TYW3: variants seen among roughly 807,000 people sequenced by gnomAD.
TYW3 encodes the protein tRNA wybutosine-synthesizing protein 3 homolog.
Under a neutral mutation model 23.1 loss-of-function variants are expected in TYW3, and 26 were observed. The observed-to-expected ratio is 1.13, with a 90% CI of 0.83 to 1.56. TYW3 has a LOEUF of 1.56. Among genes scored for constraint, TYW3 ranks in the 40% most tolerant of loss-of-function variants. The pLI is 0.00. For synonymous variants in TYW3, 102 were observed against 105.7 expected, an observed-to-expected ratio of 0.97 and a Z score of 0.21; for missense variants, 316 against 311.9, an observed-to-expected ratio of 1.01 and a Z score of -0.10.
intron 5 of TYW3, among the ~76,000 whole-genome samples, chr1:74,753,538 G>T (rs1027848287): frequency 1.1e-4 from 16 of 152,122 alleles, no homozygotes; most frequent in African/African-American, 3.6e-4. Flanking sequence ...TTCAAATCGT[G>T]GTTCTGAGTT....
chr1:74,751,203 T>C (rs1399614261), intron 4 of TYW3: 1 of 152,180 alleles, frequency 6.6e-6, no homozygotes, highest in Non-Finnish European at 1.5e-5. Context: ...GTTCTTAGAC[T>C]CAGTTGCTTC....
At chr1:74,747,528 T>G (rs1293242583) in intron 3 of TYW3, among the ~76,000 whole-genome samples, 1 of 149,162 alleles carries the variant, frequency 6.7e-6, no homozygotes, top group Non-Finnish European at 1.5e-5. Context: ...TCCCAGCTAC[T>G]TGGGAGGCTG....
chr1:74,746,769 A>G (rs1460530652), intron 3 of TYW3, among the ~76,000 whole-genome samples: 2 of 152,202 alleles, frequency 1.3e-5, no homozygotes, highest in African/African-American at 4.8e-5. Flanking sequence ...GAAGGCCTTT[A>G]TTCGAAGGTT....
intron 5 of TYW3, among the ~76,000 whole-genome samples, chr1:74,760,519 C>A (rs1649105988): frequency 6.6e-6 from 1 of 152,218 alleles, no homozygotes; most frequent in Non-Finnish European, 1.5e-5. Context: ...CCTTGCAGTT[C>A]AGCCCAGGCA....
At position 74,738,348 on chromosome 1, in the gene TYW3, A is replaced by AAAT. The variant is rs572634805; in HGVS notation, c.256-342_256-341insAAT. On this transcript the variant is annotated intron_variant, in intron 2 of 5. Coordinates refer to ENST00000370867, the MANE Select transcript of TYW3 (RefSeq NM_138467.3). ...TTACATTTGTCTCTATCTCAATCTA[A>AAAT]CAAAAAATTTAAACAATCCTAATAC... is the stretch of plus-strand genomic sequence containing the variant. Among the ~76,000 whole-genome samples the AAAT allele has an allele frequency of 2.8e-4, 43 of 152,278 alleles. No homozygotes were observed. The East Asian group carries it at 8.1e-3, about 29-fold the overall frequency.
At chr1:74,747,777 A>G (rs939718217) in intron 3 of TYW3, among the ~76,000 whole-genome samples, 16 of 142,642 alleles carry the variant, frequency 1.1e-4, no homozygotes, top group Admixed American at 1.0e-3. Context: ...ATATGTGTGT[A>G]TATGTATACA....
At chr1:74,743,790 A>C (rs1006871807) in intron 3 of TYW3, among the ~76,000 whole-genome samples, 2 of 152,118 alleles carry the variant, frequency 1.3e-5, no homozygotes, top group East Asian at 1.9e-4. Flanking sequence ...GGTATCTCCA[A>C]ACTCTCGGGC....
At chr1:74,751,621 G>A (rs963155716) in intron 4 of TYW3, among the ~76,000 whole-genome samples, 5 of 151,542 alleles carry the variant, frequency 3.3e-5, no homozygotes, top group African/African-American at 7.3e-5. Context: ...TGTGAGCCGA[G>A]ATTGCACCAT....
intron 3 of TYW3, among the ~76,000 whole-genome samples, chr1:74,742,958 G>A (rs1648415374): frequency 6.6e-6 from 1 of 152,156 alleles, no homozygotes. Flanking sequence ...TCAATTTCCT[G>A]GCCCTCAATG....
chr1:74,760,171 T>G (rs1183890041), intron 5 of TYW3, among the ~76,000 whole-genome samples: 1 of 152,156 alleles, frequency 6.6e-6, no homozygotes, highest in Non-Finnish European at 1.5e-5. Flanking sequence ...CACAAAAGCC[T>G]TTGTCTTCAT....
intron 5 of TYW3, among the ~76,000 whole-genome samples, chr1:74,755,174 T>C (rs1048101517): frequency 6.6e-6 from 1 of 152,242 alleles, no homozygotes; most frequent in African/African-American, 2.4e-5. Context: ...AATAGTTTTT[T>C]TTTTAACTCT....
At position 74,766,198 on chromosome 1, in the gene TYW3, TGA is replaced by T. The variant is rs967302250; in HGVS notation, c.*2086_*2087del. The T allele has an allele frequency of 2.6e-5, 4 of 152,116 alleles. No individual in the cohort carries two copies. Among genetic ancestry groups the T allele is most frequent in the African/African-American group, 9.7e-5 (4 of 41,428 alleles). 9.4% of individuals were successfully genotyped at this position (152,116 alleles called of 1,614,324 possible). A position where few individuals can be genotyped will look rare whatever the true frequency, so the allele number is the denominator to read the frequency against. On this transcript the variant is annotated 3_prime_UTR_variant, in exon 6 of 6. Coordinates refer to ENST00000370867, the MANE Select transcript of TYW3 (RefSeq NM_138467.3). Reference sequence around the variant, plus strand: ...TTATGTACAGTGCATACATAATACTTGATAATATGTTACTGGTTTGTGTCTTT... The same window carrying T: ...TTATGTACAGTGCATACATAATACTTTAATATGTTACTGGTTTGTGTCTTT...
At chr1:74,748,210 C>A (rs1280800740) in intron 3 of TYW3, among the ~76,000 whole-genome samples, 1 of 152,146 alleles carries the variant, frequency 6.6e-6, no homozygotes, top group African/African-American at 2.4e-5. Context: ...TGCTTAAGAA[C>A]TACTGAGCTG....
In TYW3 at chr1:74,766,603, A is replaced by G. The variant is rs1246170376; in HGVS notation, c.*2490A>G. ...CCAAAGAGTCAAAAAGTTTTAAGAA[A>G]TTAAAGTTTATAAACCAAATGTTCA... On this transcript the variant is annotated 3_prime_UTR_variant, in exon 6 of 6. Transcript: ENST00000370867. The G allele has an allele frequency of 6.6e-6, 1 of 152,242 alleles. No homozygotes were observed. Among genetic ancestry groups the G allele is most frequent in the Non-Finnish European group, 1.5e-5 (1 of 68,032 alleles). 9.4% of individuals were successfully genotyped at this position (152,242 alleles called of 1,614,324 possible).
Position 74,738,802 on chromosome 1 carries a change from G to T in TYW3, c.354+14G>T. On this transcript the variant is annotated intron_variant, in intron 3 of 5. Coordinates refer to ENST00000370867, the MANE Select transcript of TYW3 (RefSeq NM_138467.3). Reference sequence around the variant, plus strand: ...GCACAGATTCTGGTAAAATTTTGTTGTAATTGTACTTGAATTTATAGATAT... The same window carrying T: ...GCACAGATTCTGGTAAAATTTTGTTTTAATTGTACTTGAATTTATAGATAT... 11 of 1,595,716 alleles carry T rather than the reference G, an allele frequency of 6.9e-6. No homozygotes were observed. The highest frequency in any genetic ancestry group is 9.4e-6 in the Non-Finnish European group (11 of 1,165,966).
At chr1:74,751,175 C>A (rs1648773418) in intron 4 of TYW3, 1 of 152,120 alleles carries the variant, frequency 6.6e-6, no homozygotes, top group Non-Finnish European at 1.5e-5. Flanking sequence ...TCAATTGCTG[C>A]CTTTCCCATA....
At chr1:74,734,301 C>T (rs1440872990) in intron 1 of TYW3, 2 of 152,164 alleles carry the variant, frequency 1.3e-5, no homozygotes, top group East Asian at 3.8e-4. Context: ...TATATTCTTG[C>T]TGCCCTTTAG....
chr1:74,760,295 G>A (rs1309401197), intron 5 of TYW3, among the ~76,000 whole-genome samples: 4 of 152,036 alleles, frequency 2.6e-5, no homozygotes, highest in Non-Finnish European at 5.9e-5. Flanking sequence ...ATTTGGTGTA[G>A]CTTTTATTCA....
chr1:74,765,828 G>A lies in TYW3; in HGVS notation c.*1715G>A, dbSNP rs139419724. The A allele has an allele frequency of 2.0e-4, 30 of 152,160 alleles. No individual in the cohort carries two copies. Among genetic ancestry groups the A allele is most frequent in the Admixed American group, 2.0e-3 (30 of 15,260 alleles). The allele number at this position is 152,160 out of a possible 1,614,324, so 9.4% of individuals were successfully genotyped here. On this transcript the variant is annotated 3_prime_UTR_variant, in exon 6 of 6. Transcript: ENST00000370867. ...TTCCATAAACTGAATATATGAATGA[G>A]AATTAAGAAGAGAGGGGCTGCTTCC...
Sources: gnomAD v4.1 joint callset for allele counts (sites outside exome capture counted in the v4.1 genomes callset) on GRCh38, gnomAD v4.1.1 for gene constraint, MANE v1.5 for transcripts, NCBI Gene and HGNC (gene_info 2026-07-23, HGNC 2026-07-21) for gene names.